The following CSMD3 variants were observed in gnomAD, a reference collection of about 807,000 sequenced individuals.
CSMD3 encodes CUB and Sushi multiple domains 3.
Under a neutral mutation model 435.2 loss-of-function variants are expected in CSMD3, and 177 were observed. The ratio of observed to expected loss-of-function variants is 0.41; its 90% CI spans 0.36 to 0.46. CSMD3 has a LOEUF of 0.46. Among genes scored for constraint, CSMD3 ranks in the 20% least tolerant of loss-of-function variants. The pLI, the probability that CSMD3 is intolerant of heterozygous loss-of-function variation, is 0.34. For missense variants in CSMD3, 4,265 were observed against 4,504.6 expected (o/e 0.95, Z 1.52); for synonymous variants, 1,656 against 1,520.5 (o/e 1.09, Z -2.07).
At chr8:112,642,956 T>G (rs937118331) in intron 20 of CSMD3, among the ~76,000 whole-genome samples, 2 of 152,158 alleles carry the variant, frequency 1.3e-5, no homozygotes, top group African/African-American at 2.4e-5. Flanking sequence ...TTTAAAGAGA[T>G]AAGCTGGAAT....
chr8:113,133,884 CA>C (rs1322620943), intron 4 of CSMD3, among the ~76,000 whole-genome samples: 20 of 151,860 alleles, frequency 1.3e-4, no homozygotes, highest in African/African-American at 4.6e-4. Flanking sequence ...TGGTGATTAC[CA>C]GGGGTTATGC....
chr8:112,246,032 C>T (rs1317898362), intron 64 of CSMD3, among the ~76,000 whole-genome samples: 1 of 152,172 alleles, frequency 6.6e-6, no homozygotes, highest in African/African-American at 2.4e-5. Context: ...AACTAGAGGA[C>T]ATCAAAGAAC....
At chr8:112,256,511 G>T (rs944902003) in intron 61 of CSMD3, among the ~76,000 whole-genome samples, 1 of 152,152 alleles carries the variant, frequency 6.6e-6, no homozygotes, top group East Asian at 1.9e-4. Flanking sequence ...TTCTGCTGGG[G>T]CATGGCTAGC....
intron 3 of CSMD3, among the ~76,000 whole-genome samples, chr8:113,274,215 A>G (rs561291511): frequency 6.6e-6 from 1 of 152,180 alleles, no homozygotes; most frequent in East Asian, 1.9e-4. Flanking sequence ...TTTGCTATTA[A>G]TGGATACTAT....
chr8:113,375,000 CT>C, intron 1 of CSMD3, among the ~76,000 whole-genome samples: 1 of 151,936 alleles, frequency 6.6e-6, no homozygotes, highest in Admixed American at 6.6e-5. Context: ...TATAAAACAA[CT>C]TTTTATTTGA....
chr8:112,530,187 T>C (rs1001576643), intron 27 of CSMD3, among the ~76,000 whole-genome samples: 1 of 152,068 alleles, frequency 6.6e-6, no homozygotes, highest in African/African-American at 2.4e-5. Flanking sequence ...AATATTTACA[T>C]TATGAGAGTG....
At chr8:112,416,508 T>A (rs1288966081) in intron 32 of CSMD3, among the ~76,000 whole-genome samples, 4 of 152,220 alleles carry the variant, frequency 2.6e-5, no homozygotes, top group African/African-American at 9.6e-5. Context: ...CACGAATGAT[T>A]TCTTTTTAAA....
intron 13 of CSMD3, among the ~76,000 whole-genome samples, chr8:112,731,788 C>T (rs1163359014): frequency 6.6e-6 from 1 of 151,914 alleles, no homozygotes; most frequent in Non-Finnish European, 1.5e-5. Context: ...TATTTGTTCA[C>T]TGAATTCAAT....
chr8:112,386,549 G>C (rs942689655), intron 36 of CSMD3, among the ~76,000 whole-genome samples: 14 of 152,010 alleles, frequency 9.2e-5, no homozygotes, highest in African/African-American at 2.2e-4. Context: ...CCAGGATGGA[G>C]TGCAGTGGCG....
At chr8:113,197,534 T>A (rs1273821254) in intron 3 of CSMD3, among the ~76,000 whole-genome samples, 3 of 151,250 alleles carry the variant, frequency 2.0e-5, no homozygotes, top group Non-Finnish European at 4.4e-5. Flanking sequence ...CTTATATGTA[T>A]ATATTATTAT....
chr8:113,417,637 G>A (rs1379817874), intron 1 of CSMD3, among the ~76,000 whole-genome samples: 1 of 151,962 alleles, frequency 6.6e-6, no homozygotes, highest in East Asian at 1.9e-4. Context: ...AAATGTAACA[G>A]AATTGTACAC....
chr8:112,810,117 T>C lies in CSMD3; in HGVS notation c.1860-9843A>G, dbSNP rs2079184554. On this transcript the variant is annotated intron_variant, in intron 12 of 70. Transcript: ENST00000297405. Reference sequence around the variant, plus strand: ...TCTCTCTCCCCTACTGCAATAGTTTTAGGAAAAGTCTTGTTTGTTTGACTT... The same window carrying C: ...TCTCTCTCCCCTACTGCAATAGTTTCAGGAAAAGTCTTGTTTGTTTGACTT... 7.9e-5 allele frequency among the ~76,000 whole-genome samples: 12 copies of C among 152,176 alleles called. No individual in the cohort carries two copies. In the South Asian group the frequency reaches 2.5e-3, roughly 32 times the overall value.
chr8:112,336,779 C>T lies in CSMD3; in HGVS notation c.6892G>A (p.Gly2298Arg), dbSNP rs1392188413. The T allele has an allele frequency of 6.2e-7, 1 of 1,613,594 alleles. No homozygotes were observed. Among genetic ancestry groups the T allele is most frequent in the Non-Finnish European group, 8.5e-7 (1 of 1,179,670 alleles). The change falls in exon 44 of 71, where the codon GGG becomes AGG. Residue 2298 changes from glycine (G) to arginine (R), a missense_variant. Transcript: ENST00000297405. The part of the protein sequence containing the change: ...TAMNGTIYSP[G>R]YPDEYPNFQD... ...AAGTTTGGATATTCATCAGGATACC[C>T]AGGAGAATAAATGGTGCCATTCATT...
chr8:113,012,758 C>T (rs2086303185), intron 6 of CSMD3, among the ~76,000 whole-genome samples: 1 of 151,976 alleles, frequency 6.6e-6, no homozygotes, highest in Non-Finnish European at 1.5e-5. Flanking sequence ...TCCTTCATAG[C>T]AGTGTGGGAG....
At chr8:112,667,167 C>T (rs1273780805) in intron 16 of CSMD3, among the ~76,000 whole-genome samples, 1 of 151,980 alleles carries the variant, frequency 6.6e-6, no homozygotes, top group Non-Finnish European at 1.5e-5. Context: ...GATGTGTAAA[C>T]CAAGTTTTAG....
In CSMD3 at chr8:112,241,753, G is replaced by C. The variant is rs573263018; in HGVS notation, c.10435C>G (p.Pro3479Ala). ...TTTGGGCTGGGTGTTCCCAGTGCAG[G>C]TCTAGGATCTTTCACCAATATTTTA... ...GSKILVKDPR[P>A]ALGTPSPKLS... The change falls in exon 66 of 71, where the codon CCT (proline) becomes GCT (alanine). Residue 3479 changes from proline (P) to alanine (A), a missense_variant. Physicochemically the swap from Pro to Ala is conservative, Grantham distance 27. This residue lies in a region of CSMD3 where 3,255 missense variants were observed against 3,380.2 expected (regional missense o/e 0.96). Coordinates refer to ENST00000297405, the MANE Select transcript of CSMD3 (RefSeq NM_198123.2). The C allele has an allele frequency of 2.2e-5, 36 of 1,612,734 alleles. 1 individual carries two copies. In the South Asian group the frequency reaches 3.1e-4, roughly 14 times the overall value.
rs578042789 is a variant in CSMD3, at chr8:112,372,770, C to T, written c.6136+7582G>A. Among the ~76,000 whole-genome samples, 50 of 151,518 alleles carry T rather than the reference C, an allele frequency of 3.3e-4. No individual in the cohort carries two copies. In the South Asian group the frequency reaches 0.01, roughly 31 times the overall value. On this transcript the variant is annotated intron_variant, in intron 38 of 70. Coordinates refer to ENST00000297405, the MANE Select transcript of CSMD3 (RefSeq NM_198123.2). ...AGGCTGAGGCAGGAGAATTGCTTGACCCTGAGAGGCGGAGCTTGCAGTGAG... is the reference window on the plus strand; with the variant it reads ...AGGCTGAGGCAGGAGAATTGCTTGATCCTGAGAGGCGGAGCTTGCAGTGAG...
At chr8:113,337,168 A>T (rs1359824416) in intron 1 of CSMD3, among the ~76,000 whole-genome samples, 1 of 152,126 alleles carries the variant, frequency 6.6e-6, no homozygotes, top group Non-Finnish European at 1.5e-5. Flanking sequence ...TTGAAGTAAA[A>T]GGAAATTCCA....
At chr8:112,818,301 T>C (rs1171001800) in intron 12 of CSMD3, among the ~76,000 whole-genome samples, 1 of 152,084 alleles carries the variant, frequency 6.6e-6, no homozygotes, top group Non-Finnish European at 1.5e-5. Flanking sequence ...ACATAAAAAT[T>C]GAATATAGGC....
Sources: gnomAD v4.1 joint callset for allele counts (sites outside exome capture counted in the v4.1 genomes callset) on GRCh38, gnomAD v4.1.1 for gene constraint, gnomAD v4.1.1 regional missense constraint, MANE v1.5 for transcripts, NCBI Gene and HGNC (gene_info 2026-07-23, HGNC 2026-07-21) for gene names.